Variants in FAM91A1 observed in about 807,000 individuals in gnomAD.
The protein encoded by FAM91A1 is protein FAM91A1.
In FAM91A1, 41 loss-of-function variants were observed where a neutral mutation model predicts 113.5. The observed-to-expected ratio is 0.36, with a 90% CI of 0.28 to 0.47. The LOEUF (loss-of-function observed/expected upper bound fraction) is 0.47, where lower values mean the gene tolerates loss of function less well. FAM91A1 is among the 20% of genes least tolerant of loss of function. The pLI is 1.00. For missense variants in FAM91A1, 696 were observed against 1,001.2 expected (o/e 0.70, Z 4.11); for synonymous variants, 307 against 347.9 (o/e 0.88, Z 1.31).
intron 8 of FAM91A1, 152 bp downstream of exon 8, chr8:123,780,694 T>A: frequency 1.7e-6 from 1 of 582,612 alleles, no homozygotes; most frequent in Non-Finnish European, 2.9e-6. Context: ...TGGTTTTACT[T>A]AAATTCTTTA....
At chr8:123,780,393 CTT>C in intron 7 of FAM91A1, 85 bp from the exon 8 acceptor site, 3 of 1,005,726 alleles carry the variant, frequency 3.0e-6, no homozygotes, top group Non-Finnish European at 4.5e-6. Context: ...TTGTAAGAAT[CTT>C]TACAGAAAGC....
intron 1 of FAM91A1, among the ~76,000 whole-genome samples, chr8:123,772,360 G>A (rs749490798): frequency 1.3e-5 from 2 of 152,182 alleles, no homozygotes; most frequent in Non-Finnish European, 2.9e-5. Context: ...CTGAGAAAGA[G>A]ACTTTTATTT....
intron 15 of FAM91A1, among the ~76,000 whole-genome samples, chr8:123,797,852 C>T (rs187014213): frequency 2.8e-4 from 43 of 151,492 alleles, no homozygotes; most frequent in African/African-American, 8.5e-4. Flanking sequence ...CATCTTGTTG[C>T]AGTAAAAAGT....
At chr8:123,779,331 G>A (rs940565696) in intron 6 of FAM91A1, among the ~76,000 whole-genome samples, 2 of 152,154 alleles carry the variant, frequency 1.3e-5, no homozygotes, top group Non-Finnish European at 2.9e-5. Flanking sequence ...AGTGATAGGT[G>A]CTTTTATGGG....
At chr8:123,796,862 G>C (rs1319597528) in intron 15 of FAM91A1, among the ~76,000 whole-genome samples, 10 of 150,054 alleles carry the variant, frequency 6.7e-5, no homozygotes, top group Admixed American at 1.3e-4. Flanking sequence ...AGGAGATCGA[G>C]ACCATCCTGG....
rs1815220189 is a variant in FAM91A1, at chr8:123,785,090, G to A, written c.820G>A (p.Val274Ile). The A allele has an allele frequency of 1.3e-6, 2 of 1,588,484 alleles. No homozygotes were observed. The highest frequency in any genetic ancestry group is 1.7e-6 in the Non-Finnish European group (2 of 1,170,238). ...TAATTTTATCTTCTAGCTTGCAAAT[G>A]TCCTTGAGATTGACTTATCCCTGGT... ...EHTNVAELAN[V>I]LEIDLSLVKN... The change falls in exon 10 of 24, where the codon GTC becomes ATC. Residue 274 changes from valine (V) to isoleucine (I), a missense_variant. By Grantham distance (29) the Val-to-Ile change is conservative. Transcript: ENST00000334705.
intron 3 of FAM91A1, among the ~76,000 whole-genome samples, chr8:123,775,693 G>A (rs1221856408): frequency 6.6e-6 from 1 of 152,174 alleles, no homozygotes; most frequent in Non-Finnish European, 1.5e-5. Context: ...TAGGCTGGGA[G>A]CAGTGGTTCA....
In FAM91A1 at chr8:123,785,624, T is replaced by G. The variant is rs1253379339; in HGVS notation, c.850-5T>G. ...GGTAATTAGTTTCCTTTATATTCCT[T>G]TCAGAATGCTGTTTCAATGTATTGC... On this transcript the variant is annotated splice_polypyrimidine_tract_variant and splice_region_variant and intron_variant, in intron 10 of 23. Coordinates refer to ENST00000334705, the MANE Select transcript of FAM91A1 (RefSeq NM_144963.4). 6.3e-7 allele frequency: 1 copy of G among 1,585,020 alleles called. No individual in the cohort carries two copies. The highest frequency in any genetic ancestry group is 8.6e-7 in the Non-Finnish European group (1 of 1,162,948).
At chr8:123,778,468 T>C (rs1319147635) in intron 5 of FAM91A1, among the ~76,000 whole-genome samples, 191 bp from the exon 6 acceptor site, 2 of 151,704 alleles carry the variant, frequency 1.3e-5, no homozygotes, top group African/African-American at 4.9e-5. Flanking sequence ...TGAAACAATT[T>C]ATTTTGAAAC....
Position 123,798,009 on chromosome 8 carries a change from A to G in FAM91A1, c.1412-81A>G, listed in dbSNP as rs1202935265. 67 of 1,435,150 alleles carry G rather than the reference A, an allele frequency of 4.7e-5. No individual in the cohort carries two copies. The East Asian group carries it at 1.6e-3, about 33-fold the overall frequency. The allele number at this position is 1,435,150 out of a possible 1,614,324, so 88.9% of individuals were successfully genotyped here. A position where few individuals can be genotyped will look rare whatever the true frequency, so the allele number is the denominator to read the frequency against. On this transcript the variant is annotated intron_variant, in intron 15 of 23. Transcript: ENST00000334705. ...AAAAGAAAATTTAAAATCTTAAGTC[A>G]GTTATCAATATTGCATCTTCAACAT... is the stretch of plus-strand genomic sequence containing the variant.
intron 22 of FAM91A1, among the ~76,000 whole-genome samples, chr8:123,809,898 T>C (rs1430902239): frequency 6.6e-6 from 1 of 152,242 alleles, no homozygotes. Flanking sequence ...TAATCTGTTA[T>C]CAGGTTGTCT....
At chr8:123,794,034 A>G (rs2130114973) in intron 15 of FAM91A1, among the ~76,000 whole-genome samples, 1 of 152,332 alleles carries the variant, frequency 6.6e-6, no homozygotes, top group East Asian at 1.9e-4. Flanking sequence ...TTGCCCTTAT[A>G]CTAAAATGAG....
chr8:123,778,066 C>T lies in FAM91A1; in HGVS notation c.409C>T (p.Leu137Phe), dbSNP rs747087431. 1 of 1,612,536 alleles carries T rather than the reference C, an allele frequency of 6.2e-7. No individual in the cohort carries two copies. The highest frequency in any genetic ancestry group is 8.5e-7 in the Non-Finnish European group (1 of 1,179,256). Residue 137 changes from leucine (L) to phenylalanine (F), a missense_variant, in exon 5 of 24, where the codon CTT becomes TTT. By Grantham distance (22) the Leu-to-Phe change is conservative (BLOSUM62 0). Coordinates refer to ENST00000334705, the MANE Select transcript of FAM91A1 (RefSeq NM_144963.4). Reference sequence around the variant, plus strand: ...CATAGGAAGAAACCAGTATATTGATCTTATGAATCAGTGTAGATCATCAAA... The same window carrying T: ...CATAGGAAGAAACCAGTATATTGATTTTATGAATCAGTGTAGATCATCAAA... ...LGIGRNQYID[L>F]MNQCRSSKKF...
chr8:123,776,934 C>T (rs1814997749), intron 3 of FAM91A1, among the ~76,000 whole-genome samples: 1 of 151,840 alleles, frequency 6.6e-6, no homozygotes, highest in African/African-American at 2.4e-5. Context: ...GATCTAGGAT[C>T]AGGTATGAAA....
intron 1 of FAM91A1, among the ~76,000 whole-genome samples, chr8:123,773,556 A>G (rs909212186): frequency 1.3e-5 from 2 of 152,226 alleles, no homozygotes; most frequent in Non-Finnish European, 2.9e-5. Context: ...ATGAGGCCAC[A>G]GGAGATTGCA....
At chr8:123,799,979 T>C in intron 18 of FAM91A1, 94 bp downstream of exon 18, 1 of 1,043,286 alleles carries the variant, frequency 9.6e-7, no homozygotes, top group South Asian at 1.7e-5. Context: ...TGTCAGTCAT[T>C]TGAAATTTAT....
intron 1 of FAM91A1, among the ~76,000 whole-genome samples, chr8:123,773,060 G>A (rs954513538): frequency 2.6e-5 from 4 of 152,042 alleles, no homozygotes; most frequent in African/African-American, 9.7e-5. Flanking sequence ...GTTCAAACCC[G>A]TGTTGTCCAA....
intron 11 of FAM91A1, chr8:123,786,168 A>G: frequency 3.7e-6 from 1 of 273,786 alleles, no homozygotes; most frequent in Non-Finnish European, 7.0e-6. Context: ...CCTTTATATT[A>G]GTGATTTTTA....
rs181190218 is a variant in FAM91A1, at chr8:123,800,537, A to G, written c.1809+652A>G. Among the ~76,000 whole-genome samples, 276 of 152,312 alleles carry G rather than the reference A, an allele frequency of 1.8e-3. 2 individuals carry two copies. Among genetic ancestry groups the G allele is most frequent in the African/African-American group, 6.4e-3 (265 of 41,576 alleles). ...TAATTCACATACTGTACAATTCACC[A>G]ATTTAAATTGTGCAGTTAAGTGGGT... On this transcript the variant is annotated intron_variant, in intron 18 of 23. Transcript: ENST00000334705.
Sources: allele counts gnomAD v4.1 joint callset (sites outside exome capture counted in the v4.1 genomes callset), GRCh38; gene constraint gnomAD v4.1.1; transcripts MANE v1.5; gene names NCBI Gene and HGNC (gene_info 2026-07-23, HGNC 2026-07-21).